Variants in CRPPA observed in about 807,000 individuals in gnomAD.
CRPPA encodes D-ribitol-5-phosphate cytidylyltransferase.
In CRPPA, 43 loss-of-function variants were observed where a neutral mutation model predicts 52.0. The ratio of observed to expected loss-of-function variants is 0.83; its 90% confidence interval spans 0.65 to 1.07. The LOEUF is 1.07. Among genes scored for constraint, CRPPA ranks in the 50% least tolerant of loss-of-function variants. The probability of loss-of-function intolerance (pLI) is 0.00; values close to 1 mark genes in which losing one functional copy is unlikely to be tolerated. For synonymous variants in CRPPA, 250 were observed against 203.5 expected, an observed-to-expected ratio of 1.23 and a Z score of -1.94; for missense variants, 629 against 551.7, an observed-to-expected ratio of 1.14 and a Z score of -1.40.
chr7:16,116,778 CAT>C (rs1782384362), intron 9 of CRPPA, among the ~76,000 whole-genome samples: 1 of 151,724 alleles, frequency 6.6e-6, no homozygotes, highest in Non-Finnish European at 1.5e-5. Flanking sequence ...CAAAATGCAA[CAT>C]GTGTTCCCGG....
rs773538068 is a variant in CRPPA at position 16,089,299 on chromosome 7, CAT to C, written c.*2394_*2395del. On this transcript the variant is annotated 3_prime_UTR_variant, in exon 10 of 10. Coordinates refer to ENST00000407010, the MANE Select transcript of CRPPA (RefSeq NM_001101426.4). ...ATATGTGTGTATGCGTACGTATATA[CAT>C]ATATGTGTGTATGCGTACGTATATA... 8.3e-5 allele frequency: 32 copies of C among 384,946 alleles called. No individual in the cohort carries two copies. Among genetic ancestry groups the C allele is most frequent in the Admixed American group, 1.5e-4 (6 of 40,294 alleles). 23.8% of individuals were successfully genotyped at this position (384,946 alleles called of 1,614,324 possible). A position where few individuals can be genotyped will look rare whatever the true frequency, so the allele number is the denominator to read the frequency against.
chr7:16,093,260 G>A (rs1055580750), intron 9 of CRPPA, among the ~76,000 whole-genome samples: 1 of 152,156 alleles, frequency 6.6e-6, no homozygotes, highest in Admixed American at 6.6e-5. Context: ...AAGCAAAAGA[G>A]GTTCTGATTA....
At chr7:16,406,848 G>A (rs762413320) in intron 1 of CRPPA, among the ~76,000 whole-genome samples, 17 of 152,110 alleles carry the variant, frequency 1.1e-4, no homozygotes, top group Admixed American at 2.0e-4. Context: ...TGCTAAATAC[G>A]TACCTTAAAT....
At chr7:16,270,914 G>A (rs1415752930) in intron 6 of CRPPA, among the ~76,000 whole-genome samples, 1 of 151,768 alleles carries the variant, frequency 6.6e-6, no homozygotes, top group Non-Finnish European at 1.5e-5. Context: ...TTGATGTGTT[G>A]TTTGACTAAT....
At chr7:16,113,750 G>C (rs950261974) in intron 9 of CRPPA, among the ~76,000 whole-genome samples, 11 of 151,252 alleles carry the variant, frequency 7.3e-5, no homozygotes, top group Admixed American at 7.2e-4. Flanking sequence ...TATTTTTCAA[G>C]ATTAGAAATA....
intron 5 of CRPPA, among the ~76,000 whole-genome samples, chr7:16,283,486 C>T (rs147070713): frequency 1.1e-4 from 16 of 148,032 alleles, no homozygotes; most frequent in Admixed American, 3.4e-4. Flanking sequence ...GGTATAGATA[C>T]GTAGATCTAT....
chr7:16,384,330 T>A (rs556533893), intron 2 of CRPPA, among the ~76,000 whole-genome samples: 1 of 152,314 alleles, frequency 6.6e-6, no homozygotes, highest in East Asian at 1.9e-4. Context: ...ATTAAAAGAA[T>A]GCTGGAGATA....
intron 2 of CRPPA, among the ~76,000 whole-genome samples, chr7:16,378,885 G>GT (rs1786989310): frequency 6.6e-6 from 1 of 152,120 alleles, no homozygotes; most frequent in Admixed American, 6.5e-5. Context: ...TTTTTCATGT[G>GT]TTTTTTGGCT....
chr7:16,322,584 CT>C (rs1302977766), intron 3 of CRPPA, among the ~76,000 whole-genome samples: 1 of 152,142 alleles, frequency 6.6e-6, no homozygotes, highest in Admixed American at 6.5e-5. Context: ...AAGCAGAGAA[CT>C]GGGACTTAAC....
intron 8 of CRPPA, among the ~76,000 whole-genome samples, chr7:16,225,971 AT>A (rs951418125): frequency 1.3e-5 from 2 of 151,988 alleles, no homozygotes; most frequent in African/African-American, 2.4e-5. Flanking sequence ...AGAAAAAAAA[AT>A]ATTCAAAAAC....
chr7:16,395,553 C>A (rs982862349), intron 2 of CRPPA, among the ~76,000 whole-genome samples: 3 of 152,188 alleles, frequency 2.0e-5, no homozygotes, highest in African/African-American at 7.2e-5. Flanking sequence ...TACTTCTAAT[C>A]TCCTTCTGAC....
chr7:16,122,422 A>C (rs1313581673), intron 9 of CRPPA, among the ~76,000 whole-genome samples: 2 of 152,104 alleles, frequency 1.3e-5, no homozygotes, highest in African/African-American at 4.8e-5. Context: ...AAAGAAAAAA[A>C]CAATTGATAA....
intron 2 of CRPPA, among the ~76,000 whole-genome samples, chr7:16,389,833 T>G (rs537152601): frequency 6.8e-6 from 1 of 146,992 alleles, no homozygotes; most frequent in Non-Finnish European, 1.5e-5. Flanking sequence ...ATCCTGTATA[T>G]AGAAGACACT....
intron 5 of CRPPA, among the ~76,000 whole-genome samples, chr7:16,278,671 A>C (rs1295126): frequency 2.0e-5 from 3 of 152,192 alleles, no homozygotes; most frequent in African/African-American, 7.2e-5. Flanking sequence ...GGTTAAGTAC[A>C]TTGTGTTCCT....
chr7:16,180,247 T>C (rs183410333), intron 9 of CRPPA, among the ~76,000 whole-genome samples: 7 of 152,168 alleles, frequency 4.6e-5, no homozygotes, highest in Non-Finnish European at 8.8e-5. Flanking sequence ...GACCCAGGCA[T>C]CAGTATTTGT....
At chr7:16,100,710 G>C (rs1395444872) in intron 9 of CRPPA, among the ~76,000 whole-genome samples, 1 of 152,162 alleles carries the variant, frequency 6.6e-6, no homozygotes, top group Admixed American at 6.5e-5. Flanking sequence ...TGGTGAGAGA[G>C]GGCATCCTTG....
chr7:16,287,923 AAGGG>A (rs373766084), intron 5 of CRPPA, among the ~76,000 whole-genome samples: 13,182 of 123,510 alleles, frequency 0.11, 819 homozygotes, highest in East Asian at 0.26. Flanking sequence ...GGAAGGAAGG[AAGGG>A]AGGGAGGGAG....
chr7:16,399,394 T>C (rs1308263227), intron 2 of CRPPA, among the ~76,000 whole-genome samples: 3 of 140,590 alleles, frequency 2.1e-5, no homozygotes, highest in African/African-American at 8.5e-5. Context: ...TTGAAGTGAT[T>C]GGCATGTGAC....
Position 16,406,164 on chromosome 7 carries a change from G to C in CRPPA, c.431C>G (p.Ser144Cys), listed in dbSNP as rs747345582. Residue 144 changes from serine (S) to cysteine (C), a missense_variant, in exon 2 of 10, where the codon TCT (serine) becomes TGT (cysteine). Transcript: ENST00000407010. ...LKALAEDQIN[S>C]KLSKPEVVII... ...CACTACTTCTGGCTTAGAGAGTTTA[G>C]AGTTGATCTGATCTTCTGCCAGTGC... The C allele has an allele frequency of 1.2e-6, 2 of 1,613,980 alleles. No individual in the cohort carries two copies. The highest frequency in any genetic ancestry group is 1.1e-5 in the South Asian group (1 of 91,086).
Sources: gnomAD v4.1 joint callset for allele counts (sites outside exome capture counted in the v4.1 genomes callset) on GRCh38, gnomAD v4.1.1 for gene constraint, MANE v1.5 for transcripts, NCBI Gene and HGNC (gene_info 2026-07-23, HGNC 2026-07-21) for gene names.